Variants in CDH13 observed in about 807,000 individuals in gnomAD.
CDH13 encodes cadherin 13, also known as cadherin-13.
Under a neutral mutation model 63.8 loss-of-function variants are expected in CDH13, and 24 were observed. The observed-to-expected ratio is 0.38, with a 90% CI of 0.27 to 0.53. The LOEUF (loss-of-function observed/expected upper bound fraction) is 0.53, where lower values mean the gene tolerates loss of function less well. CDH13 is among the 20% of genes least tolerant of loss of function. The pLI, the probability that CDH13 is intolerant of heterozygous loss-of-function variation, is 0.85. For synonymous variants in CDH13, 503 were observed against 355.3 expected, an observed-to-expected ratio of 1.42 and a Z score of -4.67; for missense variants, 1,049 against 903.1, an observed-to-expected ratio of 1.16 and a Z score of -2.07.
At chr16:83,373,037 A>G (rs1049313493) in intron 6 of CDH13, among the ~76,000 whole-genome samples, 4 of 152,208 alleles carry the variant, frequency 2.6e-5, no homozygotes, top group Non-Finnish European at 4.4e-5. Flanking sequence ...CGTCATATCA[A>G]TAAAATTGAT....
chr16:83,438,091 C>T (rs2072369809), intron 6 of CDH13, among the ~76,000 whole-genome samples: 1 of 152,192 alleles, frequency 6.6e-6, no homozygotes, highest in Non-Finnish European at 1.5e-5. Flanking sequence ...ATGCCACTGT[C>T]CTGCTCAAAA....
At chr16:82,752,982 A>G (rs746600727) in intron 1 of CDH13, among the ~76,000 whole-genome samples, 2 of 152,276 alleles carry the variant, frequency 1.3e-5, no homozygotes, top group Non-Finnish European at 2.9e-5. Flanking sequence ...AGAGTTAAGA[A>G]GTGATGCATT....
intron 3 of CDH13, among the ~76,000 whole-genome samples, chr16:83,078,432 C>A (rs1047439263): frequency 1.3e-5 from 2 of 152,216 alleles, no homozygotes; most frequent in Non-Finnish European, 2.9e-5. Context: ...CTAGATCCCT[C>A]GCATGTGAGG....
intron 10 of CDH13, among the ~76,000 whole-genome samples, chr16:83,718,086 C>G (rs1327622364): frequency 1.3e-5 from 2 of 152,164 alleles, no homozygotes; most frequent in African/African-American, 2.4e-5. Context: ...GATGCTGAGA[C>G]AAGGGTTAGG....
intron 7 of CDH13, among the ~76,000 whole-genome samples, chr16:83,585,996 A>T (rs1374844660): frequency 3.9e-5 from 6 of 152,178 alleles, no homozygotes; most frequent in Non-Finnish European, 2.9e-5. Context: ...CTGCACAATG[A>T]ACACAGCAAC....
At chr16:83,677,865 C>A (rs913368086) in intron 9 of CDH13, among the ~76,000 whole-genome samples, 4 of 152,072 alleles carry the variant, frequency 2.6e-5, no homozygotes, top group African/African-American at 9.7e-5. Flanking sequence ...AACGATATCT[C>A]AGAGGGAGGC....
chr16:83,200,470 T>A (rs1270750560), intron 4 of CDH13, among the ~76,000 whole-genome samples: 1 of 152,154 alleles, frequency 6.6e-6, no homozygotes, highest in Non-Finnish European at 1.5e-5. Flanking sequence ...ACAGAACAGA[T>A]CTCCTCACTT....
intron 5 of CDH13, among the ~76,000 whole-genome samples, chr16:83,275,952 G>A (rs926280273): frequency 5.4e-4 from 82 of 152,106 alleles, no homozygotes; most frequent in African/African-American, 2.0e-3. Flanking sequence ...AAATCGAGGT[G>A]GCTTATAATG....
chr16:83,188,477 T>C (rs887033162), intron 4 of CDH13, among the ~76,000 whole-genome samples: 12 of 152,244 alleles, frequency 7.9e-5, no homozygotes, highest in African/African-American at 2.9e-4. Flanking sequence ...CTCTTGGTGG[T>C]TTTGTAAAGA....
chr16:83,028,223 T>TA (rs1915994972), intron 2 of CDH13, among the ~76,000 whole-genome samples: 1 of 152,196 alleles, frequency 6.6e-6, no homozygotes, highest in East Asian at 1.9e-4. Context: ...TAATTGATGA[T>TA]AACAGTGAAA....
chr16:83,786,649 G>T (rs62045379), intron 13 of CDH13, among the ~76,000 whole-genome samples: 30,748 of 151,154 alleles, frequency 0.2, 3,480 homozygotes, highest in Non-Finnish European at 0.26. Flanking sequence ...GTACAGTGGC[G>T]TCATCTCAGC....
At position 82,968,603 on chromosome 16, in the gene CDH13, A is replaced by G. The variant is rs192938078; in HGVS notation, c.158-63407A>G. 3.9e-5 allele frequency among the ~76,000 whole-genome samples: 6 copies of G among 152,266 alleles called. No homozygotes were observed. The East Asian group carries it at 1.2e-3, about 29-fold the overall frequency. ...CAGTGTAATTCCCTCCACTATCCTG[A>G]AAACATGGATTTAGATTCCAAGACC... is the stretch of plus-strand genomic sequence containing the variant. On this transcript the variant is annotated intron_variant, in intron 2 of 13. Coordinates refer to ENST00000567109, the MANE Select transcript of CDH13 (RefSeq NM_001257.5).
intron 11 of CDH13, among the ~76,000 whole-genome samples, chr16:83,751,458 C>T (rs1205267442): frequency 6.6e-6 from 1 of 151,702 alleles, no homozygotes; most frequent in Non-Finnish European, 1.5e-5. Context: ...CTCCCCTCCA[C>T]AAAAAAGAAA....
intron 8 of CDH13, among the ~76,000 whole-genome samples, chr16:83,614,961 T>C (rs774387191): frequency 1.3e-5 from 2 of 152,150 alleles, no homozygotes; most frequent in Non-Finnish European, 2.9e-5. Context: ...GAACTCTAAA[T>C]CCAAGAAAGC....
chr16:83,528,800 A>T (rs1027538416), intron 7 of CDH13, among the ~76,000 whole-genome samples: 1 of 152,122 alleles, frequency 6.6e-6, no homozygotes, highest in East Asian at 1.9e-4. Context: ...CTCGTTTAGC[A>T]TTGGTTGTAG....
At position 83,135,960 on chromosome 16, in the gene CDH13, G is replaced by A. The variant is rs112203444; in HGVS notation, c.483+10459G>A. Among the ~76,000 whole-genome samples, 549 of 152,260 alleles carry A rather than the reference G, an allele frequency of 3.6e-3. 1 individual carries two copies. Among genetic ancestry groups the A allele is most frequent in the Non-Finnish European group, 6.1e-3 (417 of 68,010 alleles). ...ATCATATGTCCCCACTGACATGTGGGAGCTAAGCTATGAGGACGCAAAAGC... is the reference window on the plus strand; with the variant it reads ...ATCATATGTCCCCACTGACATGTGGAAGCTAAGCTATGAGGACGCAAAAGC... On this transcript the variant is annotated intron_variant, in intron 4 of 13. Transcript: ENST00000567109.
At chr16:82,742,110 A>G (rs185685400) in intron 1 of CDH13, among the ~76,000 whole-genome samples, 34 of 152,332 alleles carry the variant, frequency 2.2e-4, no homozygotes, top group African/African-American at 7.9e-4. Context: ...TATTAGAGGC[A>G]CAGTTAATAA....
At chr16:83,006,208 C>T (rs1053442181) in intron 2 of CDH13, among the ~76,000 whole-genome samples, 1 of 152,062 alleles carries the variant, frequency 6.6e-6, no homozygotes. Flanking sequence ...AATACATAAA[C>T]AAAAAAGACC....
intron 3 of CDH13, among the ~76,000 whole-genome samples, chr16:83,036,727 T>C (rs1916894026): frequency 6.6e-6 from 1 of 152,158 alleles, no homozygotes. Context: ...GTTCTGCTTC[T>C]TCCCAGCCCT....
Sources: allele counts gnomAD v4.1 joint callset (sites outside exome capture counted in the v4.1 genomes callset), GRCh38; gene constraint gnomAD v4.1.1; transcripts MANE v1.5; gene names NCBI Gene and HGNC (gene_info 2026-07-23, HGNC 2026-07-21).